TBC1D22A: variants seen among roughly 807,000 people sequenced by gnomAD.
The protein encoded by TBC1D22A is TBC1 domain family member 22A, also known as putative GTPase activator.
Under a neutral mutation model 60.2 loss-of-function variants are expected in TBC1D22A, and 38 were observed. That is an observed-to-expected ratio of 0.63 (90% confidence interval 0.49 to 0.83). TBC1D22A has a LOEUF of 0.83. Ranked by LOEUF, TBC1D22A falls within the 40% of genes least tolerant of loss-of-function variation. TBC1D22A has a pLI of 0.00. For missense variants in TBC1D22A, 628 were observed against 701.0 expected, an observed-to-expected ratio of 0.90 and a Z score of 1.18; for synonymous variants, 302 against 281.7, an observed-to-expected ratio of 1.07 and a Z score of -0.72.
intron 3 of TBC1D22A, among the ~76,000 whole-genome samples, chr22:46,796,428 C>T (rs1038604636): frequency 2.0e-5 from 3 of 152,128 alleles, no homozygotes; most frequent in Non-Finnish European, 2.9e-5. Flanking sequence ...GAGTGGATGT[C>T]GGCCCGTCAG....
chr22:46,897,172 G>A (rs9627609), intron 7 of TBC1D22A, among the ~76,000 whole-genome samples: 17,277 of 152,110 alleles, frequency 0.11, 1,626 homozygotes, highest in African/African-American at 0.26. Flanking sequence ...GAATGAAGCA[G>A]CAAAAGCAGA....
intron 11 of TBC1D22A, among the ~76,000 whole-genome samples, chr22:47,067,491 A>G (rs745408487): frequency 2.6e-5 from 4 of 152,142 alleles, no homozygotes; most frequent in Non-Finnish European, 4.4e-5. Context: ...TGGGCCTTCC[A>G]CCCTTTGCAA....
At chr22:46,964,752 T>G (rs1425794116) in intron 8 of TBC1D22A, among the ~76,000 whole-genome samples, 1 of 152,206 alleles carries the variant, frequency 6.6e-6, no homozygotes, top group Non-Finnish European at 1.5e-5. Context: ...TGTTTTGAAA[T>G]GTATCGGTTC....
intron 4 of TBC1D22A, among the ~76,000 whole-genome samples, chr22:46,801,753 G>A (rs1462719699): frequency 6.6e-6 from 1 of 152,226 alleles, no homozygotes; most frequent in Non-Finnish European, 1.5e-5. Context: ...AAGGCACGAC[G>A]ACCCGTCCGT....
chr22:47,020,855 A>ATATATATTAATC (rs2148337566), intron 10 of TBC1D22A, among the ~76,000 whole-genome samples: 1 of 146,846 alleles, frequency 6.8e-6, no homozygotes, highest in South Asian at 2.1e-4. Context: ...TAATTACAGG[A>ATATATATTAATC]TTATATAATA....
intron 3 of TBC1D22A, among the ~76,000 whole-genome samples, chr22:46,794,972 G>T (rs1427757780): frequency 1.3e-5 from 2 of 152,190 alleles, no homozygotes; most frequent in Non-Finnish European, 2.9e-5. Flanking sequence ...GGAGAACTAG[G>T]TTTCATACCT....
intron 11 of TBC1D22A, among the ~76,000 whole-genome samples, chr22:47,071,608 C>A (rs1000551165): frequency 6.6e-6 from 1 of 152,204 alleles, no homozygotes; most frequent in African/African-American, 2.4e-5. Context: ...AAGGATCCAG[C>A]CCTGCTACTT....
intron 12 of TBC1D22A, among the ~76,000 whole-genome samples, chr22:47,131,897 C>A (rs1055297380): frequency 1.3e-5 from 2 of 152,372 alleles, no homozygotes; most frequent in African/African-American, 2.4e-5. Context: ...GGGCTTATCC[C>A]AGCCTGTCTG....
At chr22:46,810,411 C>T (rs894841083) in intron 4 of TBC1D22A, among the ~76,000 whole-genome samples, 16 of 150,810 alleles carry the variant, frequency 1.1e-4, no homozygotes, top group African/African-American at 3.4e-4. Context: ...CAAATGAAAA[C>T]GTAATAGTGT....
In TBC1D22A at chr22:47,028,114, A is replaced by G. The variant is rs2062322637; in HGVS notation, c.1202-8957A>G. Among the ~76,000 whole-genome samples, 1 of 152,188 alleles carries G rather than the reference A, an allele frequency of 6.6e-6. No homozygotes were observed. The highest frequency in any genetic ancestry group is 2.1e-4 in the South Asian group (1 of 4,832). ...ACGTCTGTGAGGTGAAAATGATTTA[A>G]TACCTTGTTGCTTCAGTGCCATGTA... On this transcript the variant is annotated intron_variant, in intron 10 of 12. Coordinates refer to ENST00000337137, the MANE Select transcript of TBC1D22A (RefSeq NM_014346.5). The surrounding 1 kb of genome is among the most constrained non-coding windows in gnomAD (Gnocchi z 4.4).
chr22:47,160,609 A>G (rs953825605), intron 12 of TBC1D22A, among the ~76,000 whole-genome samples: 6 of 152,228 alleles, frequency 3.9e-5, no homozygotes, highest in African/African-American at 1.4e-4. Flanking sequence ...TGGATTGAAT[A>G]TGAAAGTACA....
At chr22:46,803,035 C>A (rs910868) in intron 4 of TBC1D22A, among the ~76,000 whole-genome samples, 1 of 151,636 alleles carries the variant, frequency 6.6e-6, no homozygotes, top group Admixed American at 6.6e-5. Flanking sequence ...ACAAAATCTC[C>A]TCCTCATGAA....
At chr22:47,003,690 TAC>T (rs1602937743) in intron 10 of TBC1D22A, among the ~76,000 whole-genome samples, 1 of 95,684 alleles carries the variant, frequency 1.0e-5, no homozygotes, top group African/African-American at 6.0e-5. Context: ...CATGCCTGTA[TAC>T]ACACACCCTA....
intron 1 of TBC1D22A, among the ~76,000 whole-genome samples, chr22:46,771,449 C>T (rs2083474713): frequency 6.6e-6 from 1 of 152,062 alleles, no homozygotes; most frequent in Admixed American, 6.6e-5. Context: ...ATACACTGAA[C>T]AGTGTATACT....
chr22:47,149,137 G>C (rs1004623124), intron 12 of TBC1D22A, among the ~76,000 whole-genome samples: 1 of 152,158 alleles, frequency 6.6e-6, no homozygotes, highest in South Asian at 2.1e-4. Flanking sequence ...CAGTCCCCTG[G>C]GGCTGGGGTC....
Position 46,793,709 on chromosome 22 carries a change from G to T in TBC1D22A, c.328G>T (p.Gly110Trp). ...RVLRNHSQRQ[G>W]RPTLQEGPGL... is the part of the protein sequence containing the mutation. ...GCTGCGTAACCACAGCCAGCGGCAG[G>T]GGCGGCCCACGCTGCAGGAGGGGCC... The change falls in exon 3 of 13, where the codon GGG (glycine) becomes TGG (tryptophan). Residue 110 changes from glycine (G) to tryptophan (W), a missense_variant. Physicochemically the swap from Gly to Trp is radical, Grantham distance 184 (BLOSUM62 -2). Coordinates refer to ENST00000337137, the MANE Select transcript of TBC1D22A (RefSeq NM_014346.5). The T allele has an allele frequency of 6.2e-7, 1 of 1,611,820 alleles. No homozygotes were observed. The highest frequency in any genetic ancestry group is 8.5e-7 in the Non-Finnish European group (1 of 1,179,538).
At chr22:46,983,803 G>A (rs2074608456) in intron 9 of TBC1D22A, among the ~76,000 whole-genome samples, 1 of 151,796 alleles carries the variant, frequency 6.6e-6, no homozygotes, top group African/African-American at 2.4e-5. Flanking sequence ...TTCTTTCAGT[G>A]GTTTCATGGA....
chr22:46,964,135 T>G (rs893676697), intron 8 of TBC1D22A, among the ~76,000 whole-genome samples: 1 of 152,244 alleles, frequency 6.6e-6, no homozygotes, highest in Non-Finnish European at 1.5e-5. Context: ...GTGCACTTGT[T>G]GGAGCCTTGG....
chr22:47,154,322 CCTG>C lies in TBC1D22A; in HGVS notation c.1426-19173_1426-19171del, dbSNP rs1245726214. 3.3e-5 allele frequency among the ~76,000 whole-genome samples: 5 copies of C among 152,324 alleles called. No homozygotes were observed. In the East Asian group the frequency reaches 9.6e-4, roughly 29 times the overall value. On this transcript the variant is annotated intron_variant, in intron 12 of 12. Coordinates refer to ENST00000337137, the MANE Select transcript of TBC1D22A (RefSeq NM_014346.5). Reference sequence around the variant, plus strand: ...CTGAGTGAGTCTGAGCCATGAGTGACCTGCTCACCCTCTGAGCTCTGTGTCGTG... The same window carrying C: ...CTGAGTGAGTCTGAGCCATGAGTGACCTCACCCTCTGAGCTCTGTGTCGTG...
Sources: gnomAD v4.1 joint callset for allele counts (sites outside exome capture counted in the v4.1 genomes callset) on GRCh38, gnomAD v4.1.1 for gene constraint, Gnocchi (gnomAD v3.1) non-coding constraint, MANE v1.5 for transcripts, NCBI Gene and HGNC (gene_info 2026-07-23, HGNC 2026-07-21) for gene names.